The following GALNTL6 variants were observed in gnomAD, a reference collection of about 807,000 sequenced individuals.
GALNTL6 encodes polypeptide N-acetylgalactosaminyltransferase like 6.
Under a neutral mutation model 73.7 loss-of-function variants are expected in GALNTL6, and 46 were observed. The ratio of observed to expected loss-of-function variants is 0.62; its 90% CI spans 0.49 to 0.80. GALNTL6 has a LOEUF of 0.80. GALNTL6 is among the 30% of genes least tolerant of loss of function. The probability of loss-of-function intolerance (pLI) is 0.00; values close to 1 mark genes in which losing one functional copy is unlikely to be tolerated. For synonymous variants in GALNTL6, 259 were observed against 263.7 expected (o/e 0.98, Z 0.17); for missense variants, 604 against 755.0 (o/e 0.80, Z 2.34).
chr4:172,065,072 A>T (rs1435189780), intron 2 of GALNTL6, among the ~76,000 whole-genome samples: 1 of 152,000 alleles, frequency 6.6e-6, no homozygotes, highest in Non-Finnish European at 1.5e-5. Context: ...AATATCTTAG[A>T]GTTGGTGTTA....
intron 2 of GALNTL6, among the ~76,000 whole-genome samples, chr4:171,872,438 A>G (rs1483685099): frequency 1.3e-5 from 2 of 152,232 alleles, no homozygotes; most frequent in Non-Finnish European, 2.9e-5. Flanking sequence ...TCTATACTCA[A>G]TAAAGCTCTA....
chr4:172,246,365 G>T (rs1438838344), intron 3 of GALNTL6, among the ~76,000 whole-genome samples: 1 of 152,048 alleles, frequency 6.6e-6, no homozygotes, highest in African/African-American at 2.4e-5. Context: ...TTATGAGTAG[G>T]ATCCATTTAT....
chr4:172,027,838 A>G (rs1741636288), intron 2 of GALNTL6, among the ~76,000 whole-genome samples: 1 of 152,158 alleles, frequency 6.6e-6, no homozygotes, highest in Non-Finnish European at 1.5e-5. Flanking sequence ...AATATGAAGA[A>G]AGTTTTAATG....
At chr4:171,872,981 A>G (rs1327122349) in intron 2 of GALNTL6, among the ~76,000 whole-genome samples, 2 of 152,158 alleles carry the variant, frequency 1.3e-5, no homozygotes, top group African/African-American at 4.8e-5. Flanking sequence ...ATGGGAGGGA[A>G]GATGATTGAA....
At chr4:172,312,840 A>G (rs1299071410) in intron 4 of GALNTL6, among the ~76,000 whole-genome samples, 3 of 152,122 alleles carry the variant, frequency 2.0e-5, no homozygotes, top group Non-Finnish European at 4.4e-5. Context: ...CATGTTTTAT[A>G]TGAAGTTGCA....
intron 5 of GALNTL6, among the ~76,000 whole-genome samples, chr4:172,656,593 T>A: frequency 6.6e-6 from 1 of 152,184 alleles, no homozygotes; most frequent in East Asian, 1.9e-4. Flanking sequence ...AATGACACGG[T>A]GTTCTGTTTC....
chr4:172,499,980 A>C (rs1270947732), intron 5 of GALNTL6, among the ~76,000 whole-genome samples: 1 of 152,216 alleles, frequency 6.6e-6, no homozygotes, highest in Admixed American at 6.5e-5. Context: ...AAGAGAGGAC[A>C]GAGGGAATAC....
intron 5 of GALNTL6, among the ~76,000 whole-genome samples, chr4:172,493,438 A>G (rs1331442725): frequency 6.6e-6 from 1 of 152,244 alleles, no homozygotes; most frequent in Admixed American, 6.5e-5. Context: ...CAGAAAAAGT[A>G]CTTTTACTAG....
At chr4:172,154,026 G>A (rs1270388793) in intron 2 of GALNTL6, among the ~76,000 whole-genome samples, 2 of 148,992 alleles carry the variant, frequency 1.3e-5, no homozygotes, top group Non-Finnish European at 3.0e-5. Context: ...CAATTGTGTT[G>A]TGGTTTTTGA....
intron 2 of GALNTL6, among the ~76,000 whole-genome samples, chr4:171,936,137 A>G (rs772527074): frequency 1.5e-4 from 23 of 152,338 alleles, no homozygotes; most frequent in Non-Finnish European, 3.2e-4. Context: ...TGAACAAAGT[A>G]ACGTGCATAC....
chr4:172,393,604 T>G (rs1037242676), intron 5 of GALNTL6, among the ~76,000 whole-genome samples: 1 of 152,208 alleles, frequency 6.6e-6, no homozygotes, highest in African/African-American at 2.4e-5. Flanking sequence ...ATGTAAAATC[T>G]TTACATAGCA....
chr4:172,554,974 G>C (rs370017227), intron 5 of GALNTL6, among the ~76,000 whole-genome samples: 2 of 152,086 alleles, frequency 1.3e-5, no homozygotes, highest in African/African-American at 4.8e-5. Context: ...GTTAAAAATA[G>C]GTGTCGCAAT....
chr4:171,867,284 T>C (rs894091885), intron 2 of GALNTL6, among the ~76,000 whole-genome samples: 1 of 152,140 alleles, frequency 6.6e-6, no homozygotes, highest in African/African-American at 2.4e-5. Flanking sequence ...TGTTTCCCAA[T>C]TCAGTTGACA....
chr4:172,605,929 G>T (rs4476577), intron 5 of GALNTL6, among the ~76,000 whole-genome samples: 3 of 151,820 alleles, frequency 2.0e-5, no homozygotes, highest in Admixed American at 2.0e-4. Context: ...CCACCATACA[G>T]GAGCTGAAGA....
intron 5 of GALNTL6, among the ~76,000 whole-genome samples, chr4:172,625,529 G>C: frequency 6.6e-6 from 1 of 151,960 alleles, no homozygotes; most frequent in East Asian, 1.9e-4. Context: ...ATTTTCTTTT[G>C]GATATATACC....
chr4:172,870,705 A>G (rs1430638315), intron 7 of GALNTL6, among the ~76,000 whole-genome samples: 3 of 152,228 alleles, frequency 2.0e-5, no homozygotes, highest in African/African-American at 7.2e-5. Flanking sequence ...ATAGTTGAAC[A>G]GTTCAGACCG....
chr4:171,901,171 C>A (rs919261596), intron 2 of GALNTL6, among the ~76,000 whole-genome samples: 3 of 152,142 alleles, frequency 2.0e-5, no homozygotes, highest in Non-Finnish European at 4.4e-5. Context: ...TACTGCTTAA[C>A]CAGCAAATCC....
At position 172,508,656 on chromosome 4, in the gene GALNTL6, A is replaced by G. The variant is rs1340085666; in HGVS notation, c.553+159967A>G. On this transcript the variant is annotated intron_variant, in intron 5 of 12. Coordinates refer to ENST00000506823, the MANE Select transcript of GALNTL6 (RefSeq NM_001034845.3). ...CCACTTATAAGTGAGAACATACGAC[A>G]TTTGGTTTTCCATTCCTGAGTTACT... 3.7e-5 allele frequency among the ~76,000 whole-genome samples: 2 copies of G among 53,504 alleles called. 1 individual carries two copies. The highest frequency in any genetic ancestry group is 8.6e-5 in the Non-Finnish European group (2 of 23,258). 35.1% of individuals were successfully genotyped at this position (53,504 alleles called of 152,430 possible).
At chr4:172,346,351 T>C (rs1219685894) in intron 4 of GALNTL6, among the ~76,000 whole-genome samples, 1 of 152,126 alleles carries the variant, frequency 6.6e-6, no homozygotes, top group Admixed American at 6.5e-5. Flanking sequence ...AAACCTTCAA[T>C]ATGTCCCTCA....
Sources: allele counts gnomAD v4.1 joint callset (sites outside exome capture counted in the v4.1 genomes callset), GRCh38; gene constraint gnomAD v4.1.1; transcripts MANE v1.5; gene names NCBI Gene and HGNC (gene_info 2026-07-23, HGNC 2026-07-21).